The following TMEM132D variants were observed in gnomAD, a reference collection of about 807,000 sequenced individuals.
The protein encoded by TMEM132D is transmembrane protein 132D, also known as mature OL transmembrane protein.
In TMEM132D, 21 loss-of-function variants were observed where a neutral mutation model predicts 62.3. The observed-to-expected ratio is 0.34, with a 90% confidence interval of 0.24 to 0.49. The LOEUF (loss-of-function observed/expected upper bound fraction) is 0.49, where lower values mean the gene tolerates loss of function less well. Ranked by LOEUF, TMEM132D falls within the 20% of genes least tolerant of loss-of-function variation. The pLI is 0.99. For missense variants in TMEM132D, 1,346 were observed against 1,402.8 expected (o/e 0.96, Z 0.65); for synonymous variants, 621 against 575.6 (o/e 1.08, Z -1.13).
At chr12:129,452,660 C>T (rs996832995) in intron 3 of TMEM132D, among the ~76,000 whole-genome samples, 39 of 151,716 alleles carry the variant, frequency 2.6e-4, no homozygotes, top group African/African-American at 9.2e-4. Context: ...TCCATGGCTT[C>T]TGGTGAGAGT....
intron 3 of TMEM132D, among the ~76,000 whole-genome samples, chr12:129,425,756 CATT>C (rs1459710789): frequency 2.0e-5 from 3 of 152,154 alleles, no homozygotes; most frequent in Non-Finnish European, 4.4e-5. Flanking sequence ...CTACTGAGGT[CATT>C]ACCTGCTTCA....
chr12:129,627,838 T>G (rs1593095860), intron 2 of TMEM132D, among the ~76,000 whole-genome samples: 1 of 151,926 alleles, frequency 6.6e-6, no homozygotes, highest in Admixed American at 6.6e-5. Context: ...ATAAAAAAAA[T>G]TAGCCGGGCG....
At chr12:129,882,312 T>C (rs963683076) in intron 1 of TMEM132D, among the ~76,000 whole-genome samples, 4 of 152,106 alleles carry the variant, frequency 2.6e-5, no homozygotes, top group Non-Finnish European at 5.9e-5. Context: ...AAAGACAGTA[T>C]ATAAAAGAAA....
At chr12:129,723,338 T>G (rs558598028) in intron 1 of TMEM132D, among the ~76,000 whole-genome samples, 1 of 152,154 alleles carries the variant, frequency 6.6e-6, no homozygotes, top group Admixed American at 6.5e-5. Context: ...TCAGTGACCA[T>G]GTTGGTAGCT....
intron 2 of TMEM132D, among the ~76,000 whole-genome samples, chr12:129,588,544 G>T (rs1169190044): frequency 1.3e-5 from 2 of 151,966 alleles, no homozygotes; most frequent in African/African-American, 4.8e-5. Flanking sequence ...AAGGTGAATT[G>T]TGGGGTTTTT....
intron 1 of TMEM132D, among the ~76,000 whole-genome samples, chr12:129,815,280 C>A (rs73438583): frequency 0.019 from 2,870 of 152,258 alleles, 96 homozygotes; most frequent in African/African-American, 0.065. Context: ...ATCCAGAATG[C>A]ATTGTTGAGT....
intron 3 of TMEM132D, among the ~76,000 whole-genome samples, chr12:129,414,546 G>A (rs1488463931): frequency 6.6e-6 from 1 of 152,130 alleles, no homozygotes; most frequent in Non-Finnish European, 1.5e-5. Flanking sequence ...TATGATGGGG[G>A]GATGCAGCAT....
At chr12:129,715,310 C>G (rs1003504917) in intron 1 of TMEM132D, among the ~76,000 whole-genome samples, 8 of 152,052 alleles carry the variant, frequency 5.3e-5, no homozygotes, top group Non-Finnish European at 1.0e-4. Context: ...GCTACCTTCC[C>G]CAGGCCAAGT....
intron 4 of TMEM132D, among the ~76,000 whole-genome samples, chr12:129,314,180 A>C (rs910921639): frequency 1.3e-5 from 2 of 152,090 alleles, no homozygotes; most frequent in Non-Finnish European, 2.9e-5. Flanking sequence ...TTAGTCATGA[A>C]ATATTTGCCT....
chr12:129,291,701 C>T lies in TMEM132D; in HGVS notation c.1299+45933G>A, dbSNP rs535869490. Among the ~76,000 whole-genome samples the T allele has an allele frequency of 5.3e-5, 8 of 152,218 alleles. 1 individual carries two copies. The East Asian group carries it at 1.5e-3, about 29-fold the overall frequency. On this transcript the variant is annotated intron_variant, in intron 4 of 8. Transcript: ENST00000422113. ...TCAACAGGTTTCTCCTCAAGATCCC[C>T]CTGCTTCCCTCTAGAATTGTGTATG...
At chr12:129,400,524 T>C (rs1014343797) in intron 3 of TMEM132D, among the ~76,000 whole-genome samples, 4 of 152,190 alleles carry the variant, frequency 2.6e-5, no homozygotes, top group Non-Finnish European at 5.9e-5. Context: ...TAAGAACCCA[T>C]GACTGTATTC....
chr12:129,199,244 G>C (rs1878629603), intron 5 of TMEM132D, among the ~76,000 whole-genome samples: 1 of 151,436 alleles, frequency 6.6e-6, no homozygotes, highest in African/African-American at 2.4e-5. Flanking sequence ...TTAATAGCTA[G>C]GATAACAGGC....
intron 2 of TMEM132D, among the ~76,000 whole-genome samples, chr12:129,546,474 G>C (rs1300708303): frequency 6.6e-6 from 1 of 152,104 alleles, no homozygotes; most frequent in Non-Finnish European, 1.5e-5. Flanking sequence ...CTCCTTTAGA[G>C]CACGTATATT....
chr12:129,233,261 T>C (rs1274264526), intron 4 of TMEM132D, among the ~76,000 whole-genome samples: 2 of 152,212 alleles, frequency 1.3e-5, no homozygotes, highest in Non-Finnish European at 2.9e-5. Context: ...CATCCCAGTA[T>C]ACGCTATCAT....
intron 2 of TMEM132D, among the ~76,000 whole-genome samples, chr12:129,612,327 C>T (rs1416363985): frequency 6.6e-6 from 1 of 152,188 alleles, no homozygotes; most frequent in African/African-American, 2.4e-5. Context: ...TGTCAACATC[C>T]ACAGTGGGTG....
chr12:129,270,549 C>T (rs993386292), intron 4 of TMEM132D, among the ~76,000 whole-genome samples: 6 of 152,120 alleles, frequency 3.9e-5, no homozygotes, highest in Non-Finnish European at 7.4e-5. Flanking sequence ...CTAGACAAAT[C>T]TCCATCAATT....
chr12:129,558,179 G>A (rs140753598), intron 2 of TMEM132D, among the ~76,000 whole-genome samples: 119 of 152,242 alleles, frequency 7.8e-4, no homozygotes, highest in Non-Finnish European at 9.3e-4. Context: ...ATCTTAGGAC[G>A]GATGTTGCCC....
chr12:129,661,453 A>G (rs957336721), intron 2 of TMEM132D, among the ~76,000 whole-genome samples: 1 of 152,224 alleles, frequency 6.6e-6, no homozygotes, highest in African/African-American at 2.4e-5. Flanking sequence ...CTCTGAAAAC[A>G]CAGTGCCTTA....
intron 3 of TMEM132D, among the ~76,000 whole-genome samples, chr12:129,416,009 T>G (rs1259183959): frequency 6.6e-6 from 1 of 152,212 alleles, no homozygotes; most frequent in African/African-American, 2.4e-5. Flanking sequence ...CAAATAGTCA[T>G]GCCTACTCAG....
Sources: gnomAD v4.1 joint callset for allele counts (sites outside exome capture counted in the v4.1 genomes callset) on GRCh38, gnomAD v4.1.1 for gene constraint, MANE v1.5 for transcripts, NCBI Gene and HGNC (gene_info 2026-07-23, HGNC 2026-07-21) for gene names.